LCORL: variants seen among roughly 807,000 people sequenced by gnomAD.
The protein encoded by LCORL is ligand dependent nuclear receptor corepressor like.
LCORL carries 41 observed loss-of-function variants against 141.8 expected under a neutral mutation model. That is an observed-to-expected ratio of 0.29 (90% CI 0.23 to 0.38). The LOEUF (loss-of-function observed/expected upper bound fraction) is 0.38, where lower values mean the gene tolerates loss of function less well. Ranked by LOEUF, LCORL falls within the 10% of genes least tolerant of loss-of-function variation. The pLI, the probability that LCORL is intolerant of heterozygous loss-of-function variation, is 1.00. For missense variants in LCORL, 1,759 were observed against 2,035.0 expected (o/e 0.86, Z 2.61); for synonymous variants, 618 against 694.1 (o/e 0.89, Z 1.72).
intron 4 of LCORL, among the ~76,000 whole-genome samples, chr4:17,913,888 C>T (rs1406796360): frequency 6.6e-6 from 1 of 152,224 alleles, no homozygotes; most frequent in Non-Finnish European, 1.5e-5. Context: ...GGCTGGTATC[C>T]TTGCTTACAA....
chr4:17,956,841 T>C (rs1712745746), intron 4 of LCORL, among the ~76,000 whole-genome samples: 1 of 152,108 alleles, frequency 6.6e-6, no homozygotes, highest in Non-Finnish European at 1.5e-5. Context: ...ATATTCTAAA[T>C]ACCCCAATTT....
At chr4:17,985,223 G>A (rs1718750934) in intron 1 of LCORL, among the ~76,000 whole-genome samples, 1 of 152,070 alleles carries the variant, frequency 6.6e-6, no homozygotes, top group Non-Finnish European at 1.5e-5. Flanking sequence ...GTGCCATGTG[G>A]TGATGAGAAG....
intron 6 of LCORL, among the ~76,000 whole-genome samples, chr4:17,879,674 T>C (rs1001909301): frequency 6.6e-6 from 1 of 151,012 alleles, no homozygotes; most frequent in East Asian, 1.9e-4. Context: ...AAGAAATGGT[T>C]AACTACCAAA....
chr4:17,849,504 T>G (rs541146642), intron 7 of LCORL, among the ~76,000 whole-genome samples: 1 of 152,056 alleles, frequency 6.6e-6, no homozygotes, highest in African/African-American at 2.4e-5. Context: ...AGAAAGGACA[T>G]CCACACCAAA....
At chr4:17,882,977 C>T (rs1448812059) in intron 6 of LCORL, 1 of 926,888 alleles carries the variant, frequency 1.1e-6, no homozygotes, top group Non-Finnish European at 1.3e-6. Context: ...GTTCTTAGTA[C>T]TCCATCTTAT....
chr4:17,912,342 C>CTT (rs1732698754), intron 4 of LCORL: 6 of 672,400 alleles, frequency 8.9e-6, no homozygotes, highest in Non-Finnish European at 1.7e-5. Flanking sequence ...TCATGAAGAA[C>CTT]CATGAAGAGG....
chr4:17,918,330 G>A (rs993756114), intron 4 of LCORL, among the ~76,000 whole-genome samples: 2 of 151,932 alleles, frequency 1.3e-5, no homozygotes, highest in South Asian at 2.1e-4. Context: ...ACATAAAAAC[G>A]TACCACACAT....
intron 4 of LCORL, among the ~76,000 whole-genome samples, chr4:17,913,381 G>A (rs1271137207): frequency 6.6e-6 from 1 of 152,218 alleles, no homozygotes; most frequent in Non-Finnish European, 1.5e-5. Flanking sequence ...AAAAGGTGAT[G>A]AAACACGGCT....
chr4:17,884,191 T>C lies in LCORL; in HGVS notation c.776+1877A>G. 2 of 1,550,210 alleles carry C rather than the reference T, an allele frequency of 1.3e-6. No individual in the cohort carries two copies. Among genetic ancestry groups the C allele is most frequent in the East Asian group, 2.4e-5 (1 of 40,886 alleles). ...TCAGTTTTTGGAGAGCTGATCCTTC[T>C]AGGACTGAAGAGGTTTTGGAAACTT... On this transcript the variant is annotated intron_variant, in intron 6 of 7. Coordinates refer to ENST00000635767, the Ensembl canonical transcript of LCORL. The surrounding 1 kb of genome is among the most constrained non-coding windows in gnomAD (Gnocchi z 4.4).
At chr4:17,936,360 G>GAAAAAAA (rs10646952) in intron 4 of LCORL, among the ~76,000 whole-genome samples, 2 of 96,452 alleles carry the variant, frequency 2.1e-5, no homozygotes, top group East Asian at 3.1e-4. Flanking sequence ...GTCTCATAAT[G>GAAAAAAA]AAAAAAAAAA....
intron 2 of LCORL, 21 bp from the exon 3 acceptor site, chr4:17,963,070 T>A (rs1714159638): frequency 7.5e-7 from 1 of 1,338,882 alleles, no homozygotes; most frequent in Non-Finnish European, 1.1e-6. Flanking sequence ...GGGAAAAAAT[T>A]CATTAAATAT....
exon 8 of LCORL, chr4:17,844,898 A>G (rs1722771638): frequency 1.3e-5 from 2 of 152,080 alleles, no homozygotes; most frequent in Non-Finnish European, 1.5e-5. Flanking sequence ...GTTTTTAGAC[A>G]TAGTCATGTA....
intron 4 of LCORL, among the ~76,000 whole-genome samples, chr4:17,925,246 G>A (rs368779458): frequency 1.9e-4 from 29 of 152,190 alleles, no homozygotes; most frequent in African/African-American, 5.5e-4. Context: ...GATGAAATTA[G>A]TCTACTGCTC....
intron 4 of LCORL, among the ~76,000 whole-genome samples, chr4:17,938,162 C>T (rs556738545): frequency 7.0e-4 from 106 of 151,656 alleles, no homozygotes; most frequent in Admixed American, 3.9e-3. Context: ...TGTGCCACCA[C>T]GCCTGGCTAA....
chr4:17,869,137 C>T (rs1362221653), intron 7 of LCORL, among the ~76,000 whole-genome samples: 1 of 150,676 alleles, frequency 6.6e-6, no homozygotes, highest in African/African-American at 2.4e-5. Flanking sequence ...ATAATCTACA[C>T]AGGGGCTTCA....
chr4:18,014,072 T>C (rs1490539270), intron 1 of LCORL, among the ~76,000 whole-genome samples: 4 of 152,008 alleles, frequency 2.6e-5, no homozygotes, highest in Admixed American at 2.0e-4. Context: ...TCTCCCAAAG[T>C]GCTAGGATTA....
chr4:17,906,708 G>A (rs1314473988), intron 5 of LCORL, among the ~76,000 whole-genome samples: 5 of 128,770 alleles, frequency 3.9e-5, no homozygotes, highest in Non-Finnish European at 7.9e-5. Context: ...TTTTTTTTGA[G>A]ACAGAGTCTT....
At chr4:17,877,139 G>A (rs948649686) in exon 7 of LCORL, 155 of 1,230,650 alleles carry the variant, frequency 1.3e-4, no homozygotes, top group Middle Eastern at 6.2e-4. Context: ...GTGAATCAGA[G>A]GAGTTGCGCA....
rs184440726 is a variant in LCORL, at chr4:17,878,273, T to C, written c.777-60A>G. On this transcript the variant is annotated intron_variant, in intron 6 of 7. Transcript: ENST00000635767. ...GCAAAAATACCACTATAAGGAGTTA[T>C]AATTTTAACAGTGTTTGAAAAAAGA... The C allele has an allele frequency of 8.5e-5, 95 of 1,114,500 alleles. No homozygotes were observed. In the East Asian group the frequency reaches 2.9e-3, roughly 34 times the overall value. The allele number at this position is 1,114,500 out of a possible 1,614,324, so 69.0% of individuals were successfully genotyped here.
Sources: allele counts gnomAD v4.1 joint callset (sites outside exome capture counted in the v4.1 genomes callset), GRCh38; gene constraint gnomAD v4.1.1; non-coding constraint Gnocchi (gnomAD v3.1); transcripts MANE v1.5; gene names NCBI Gene and HGNC (gene_info 2026-07-23, HGNC 2026-07-21).